Variants in ITSN1 observed in about 807,000 individuals in gnomAD.
ITSN1 encodes intersectin 1, also known as intersectin-1.
A neutral mutation model predicts 239.8 loss-of-function variants in ITSN1; 58 were observed. The ratio of observed to expected loss-of-function variants is 0.24; its 90% CI spans 0.20 to 0.30. The LOEUF (loss-of-function observed/expected upper bound fraction) is 0.30. ITSN1 is among the 10% of genes least tolerant of loss of function. The probability of loss-of-function intolerance (pLI) is 1.00; values close to 1 mark genes in which losing one functional copy is unlikely to be tolerated. For missense variants in ITSN1, 1,558 were observed against 2,103.3 expected (o/e 0.74, Z 5.07); for synonymous variants, 780 against 770.8 (o/e 1.01, Z -0.20).
At chr21:33,762,035 G>T (rs1447178637) in intron 9 of ITSN1, 49 bp downstream of exon 9, 2 of 1,345,312 alleles carry the variant, frequency 1.5e-6, no homozygotes, top group African/African-American at 2.9e-5. Flanking sequence ...AACTTGGTTA[G>T]ATTGGTGTGG....
Position 33,767,892 on chromosome 21 carries a change from C to A in ITSN1, c.1042+64C>A, listed in dbSNP as rs1019702021. On this transcript the variant is annotated intron_variant, in intron 11 of 39. Coordinates refer to ENST00000381318, the MANE Select transcript of ITSN1 (RefSeq NM_003024.3). Reference sequence around the variant, plus strand: ...AAACGAAATTAGAGATTTCCTATCTCTAAGACAAAGATAGAGGTAAACATA... The same window carrying A: ...AAACGAAATTAGAGATTTCCTATCTATAAGACAAAGATAGAGGTAAACATA... The A allele has an allele frequency of 6.5e-6, 6 of 918,932 alleles. No individual in the cohort carries two copies. In the East Asian group the frequency reaches 1.5e-4, roughly 23 times the overall value. 56.9% of individuals were successfully genotyped at this position (918,932 alleles called of 1,614,324 possible).
At chr21:33,830,313 A>G (rs1386799113) in intron 27 of ITSN1, among the ~76,000 whole-genome samples, 3 of 152,244 alleles carry the variant, frequency 2.0e-5, no homozygotes, top group Non-Finnish European at 4.4e-5. Flanking sequence ...AACTTCTTAG[A>G]ATCATTGGTG....
intron 1 of ITSN1, among the ~76,000 whole-genome samples, chr21:33,670,571 C>T (rs537296160): frequency 3.3e-5 from 5 of 152,020 alleles, no homozygotes; most frequent in African/African-American, 1.2e-4. Flanking sequence ...TTAATGTCTG[C>T]CTGGATGGAA....
chr21:33,881,116 A>T (rs1984831760), intron 34 of ITSN1, among the ~76,000 whole-genome samples: 1 of 152,072 alleles, frequency 6.6e-6, no homozygotes, highest in African/African-American at 2.4e-5. Context: ...GCTCAACACC[A>T]CTGATTTACA....
chr21:33,886,210 TAAAA>T (rs559819556), intron 38 of ITSN1, 73 bp from the exon 39 acceptor site: 316 of 999,584 alleles, frequency 3.2e-4, no homozygotes, highest in Middle Eastern at 5.8e-4. Flanking sequence ...AGAATCCATC[TAAAA>T]AAAAAAAAAA....
rs201747224 is a variant in ITSN1 at position 33,717,728 on chromosome 21, T to TG, written c.-32-1069_-32-1068insG. ...CCGCCACCACGCCCAGCTAATTTTT[T>TG]TTGTGTGTGTGTGTGTTTCCAGTAG... is the stretch of plus-strand genomic sequence containing the variant. On this transcript the variant is annotated intron_variant, in intron 1 of 39. Coordinates refer to ENST00000381318, the MANE Select transcript of ITSN1 (RefSeq NM_003024.3). Among the ~76,000 whole-genome samples the TG allele has an allele frequency of 2.6e-3, 371 of 141,172 alleles. 1 individual carries two copies. Among genetic ancestry groups the TG allele is most frequent in the East Asian group, 0.023 (87 of 3,834 alleles). The allele number at this position is 141,172 out of a possible 152,430, so 92.6% of individuals were successfully genotyped here. A position where few individuals can be genotyped will look rare whatever the true frequency, so the allele number is the denominator to read the frequency against.
intron 29 of ITSN1, 90 bp from the exon 30 acceptor site, chr21:33,856,646 A>AG (rs1979400033): frequency 1.3e-6 from 2 of 1,583,156 alleles, no homozygotes; most frequent in Non-Finnish European, 1.7e-6. Context: ...GCAAGCCCTC[A>AG]GGACCCAGCA....
chr21:33,799,557 C>CA (rs1244150298), intron 18 of ITSN1, among the ~76,000 whole-genome samples: 1 of 152,186 alleles, frequency 6.6e-6, no homozygotes, highest in Non-Finnish European at 1.5e-5. Context: ...AGCCTCGCCG[C>CA]ACCCAGGCTT....
chr21:33,707,001 G>T (rs1301633534), intron 1 of ITSN1, among the ~76,000 whole-genome samples: 1 of 152,166 alleles, frequency 6.6e-6, no homozygotes, highest in Non-Finnish European at 1.5e-5. Context: ...GGGATTACAG[G>T]TGTGAGCCAC....
chr21:33,672,281 AATC>A (rs1479327960), intron 1 of ITSN1, among the ~76,000 whole-genome samples: 1 of 152,190 alleles, frequency 6.6e-6, no homozygotes, highest in Non-Finnish European at 1.5e-5. Flanking sequence ...TGTTTTTAAA[AATC>A]ATAACAAAAT....
chr21:33,704,814 C>T (rs572310504), intron 1 of ITSN1, among the ~76,000 whole-genome samples: 11 of 149,690 alleles, frequency 7.3e-5, no homozygotes, highest in South Asian at 2.1e-4. Flanking sequence ...CTTGGCCGGG[C>T]GCGGTGGCTC....
chr21:33,790,506 A>G (rs969596514), intron 16 of ITSN1, among the ~76,000 whole-genome samples: 4 of 152,124 alleles, frequency 2.6e-5, no homozygotes, highest in African/African-American at 9.7e-5. Flanking sequence ...TAAAAGAAAA[A>G]TCAACAAAGT....
At chr21:33,736,432 A>G (rs2066504914) in intron 5 of ITSN1, among the ~76,000 whole-genome samples, 1 of 105,118 alleles carries the variant, frequency 9.5e-6, no homozygotes, top group Admixed American at 1.0e-4. Flanking sequence ...TGTAAGGGGA[A>G]AGGTTTTGGA....
At chr21:33,846,841 C>T (rs770422733) in intron 29 of ITSN1, among the ~76,000 whole-genome samples, 4 of 152,166 alleles carry the variant, frequency 2.6e-5, no homozygotes, top group African/African-American at 9.7e-5. Flanking sequence ...GAGGCACCAT[C>T]GTTTACAAAA....
intron 22 of ITSN1, among the ~76,000 whole-genome samples, chr21:33,815,795 TG>T (rs2073226235): frequency 6.6e-6 from 1 of 152,054 alleles, no homozygotes; most frequent in African/African-American, 2.4e-5. Flanking sequence ...ATGTTCAAGT[TG>T]GGCTGCATGA....
intron 20 of ITSN1, among the ~76,000 whole-genome samples, chr21:33,803,476 C>T (rs1409301789): frequency 6.6e-6 from 1 of 152,042 alleles, no homozygotes; most frequent in Non-Finnish European, 1.5e-5. Flanking sequence ...CTAAAAAATA[C>T]AATGAAGATT....
intron 34 of ITSN1, 44 bp downstream of exon 34, chr21:33,875,565 C>G (rs1983593710): frequency 6.3e-7 from 1 of 1,583,148 alleles, no homozygotes; most frequent in Non-Finnish European, 8.6e-7. Context: ...CCGGCAGAGC[C>G]TCGCCTGCCA....
At chr21:33,785,885 A>T (rs1184993027) in intron 16 of ITSN1, among the ~76,000 whole-genome samples, 1 of 152,224 alleles carries the variant, frequency 6.6e-6, no homozygotes, top group Non-Finnish European at 1.5e-5. Flanking sequence ...AGATCCTAAG[A>T]TGTAAATATC....
intron 5 of ITSN1, among the ~76,000 whole-genome samples, chr21:33,749,180 G>A (rs938264354): frequency 6.6e-6 from 1 of 151,840 alleles, no homozygotes; most frequent in Non-Finnish European, 1.5e-5. Context: ...TGTAGAGATG[G>A]GATTTTGCTA....
Sources: gnomAD v4.1 joint callset for allele counts (sites outside exome capture counted in the v4.1 genomes callset) on GRCh38, gnomAD v4.1.1 for gene constraint, MANE v1.5 for transcripts, NCBI Gene and HGNC (gene_info 2026-07-23, HGNC 2026-07-21) for gene names.